Variants in AJAP1 observed in about 807,000 individuals in gnomAD.
AJAP1 encodes adherens junction-associated protein 1.
Under a neutral mutation model 35.0 loss-of-function variants are expected in AJAP1, and 5 were observed. That is an observed-to-expected ratio of 0.14 (90% CI 0.07 to 0.30). The LOEUF is 0.30. Ranked by LOEUF, AJAP1 falls within the 10% of genes least tolerant of loss-of-function variation. The pLI is 1.00. For synonymous variants in AJAP1, 284 were observed against 249.3 expected, an observed-to-expected ratio of 1.14 and a Z score of -1.31; for missense variants, 586 against 571.0, an observed-to-expected ratio of 1.03 and a Z score of -0.27.
At chr1:4,759,776 C>A (rs757203161) in intron 2 of AJAP1, among the ~76,000 whole-genome samples, 26 of 152,146 alleles carry the variant, frequency 1.7e-4, no homozygotes, top group South Asian at 4.1e-4. Flanking sequence ...ATTTTATAAG[C>A]TAAACGTAGG....
At position 4,787,529 on chromosome 1, in the gene AJAP1, G is replaced by A. The variant is rs181943324; in HGVS notation, c.*5044G>A. The A allele has an allele frequency of 1.0e-4, 39 of 378,516 alleles. No homozygotes were observed. The highest frequency in any genetic ancestry group is 7.9e-4 in the African/African-American group (38 of 47,842). The allele number at this position is 378,516 out of a possible 1,614,324, so 23.4% of individuals were successfully genotyped here. On this transcript the variant is annotated 3_prime_UTR_variant, in exon 6 of 6. Transcript: ENST00000378191. ...AAATGCAGTGCAGCACTGAAGATAA[G>A]ACATCGCAGTTGTTACGACGCCTGG...
At chr1:4,674,719 C>G (rs546411549) in intron 1 of AJAP1, among the ~76,000 whole-genome samples, 1 of 152,164 alleles carries the variant, frequency 6.6e-6, no homozygotes, top group Non-Finnish European at 1.5e-5. Flanking sequence ...GCTCTCAGAG[C>G]TCTAGTTCTC....
At chr1:4,658,000 G>A (rs1051672034) in intron 1 of AJAP1, among the ~76,000 whole-genome samples, 5 of 152,062 alleles carry the variant, frequency 3.3e-5, no homozygotes, top group African/African-American at 1.2e-4. Flanking sequence ...GAGCTCACCC[G>A]TGGAGGAGGC....
At chr1:4,750,356 T>C (rs187555717) in intron 2 of AJAP1, among the ~76,000 whole-genome samples, 1 of 152,372 alleles carries the variant, frequency 6.6e-6, no homozygotes, top group Admixed American at 6.5e-5. Flanking sequence ...TTCACTGCTC[T>C]GGAGACCTGT....
At chr1:4,719,503 A>G (rs959998432) in intron 2 of AJAP1, among the ~76,000 whole-genome samples, 1 of 151,980 alleles carries the variant, frequency 6.6e-6, no homozygotes, top group Non-Finnish European at 1.5e-5. Flanking sequence ...GGTTTCTTGG[A>G]GCCGAGCCCT....
At chr1:4,704,978 T>C (rs1640068938) in intron 1 of AJAP1, among the ~76,000 whole-genome samples, 1 of 152,248 alleles carries the variant, frequency 6.6e-6, no homozygotes, top group Non-Finnish European at 1.5e-5. Flanking sequence ...TCTGTTCATG[T>C]CCTTCACCCA....
intron 2 of AJAP1, among the ~76,000 whole-genome samples, chr1:4,714,156 G>A (rs1179693875): frequency 1.3e-5 from 2 of 152,200 alleles, no homozygotes; most frequent in Non-Finnish European, 2.9e-5. Flanking sequence ...CTCTATGGAA[G>A]CACAGCCTGG....
intron 1 of AJAP1, among the ~76,000 whole-genome samples, chr1:4,689,830 G>T (rs1165737818): frequency 2.0e-5 from 3 of 152,204 alleles, no homozygotes; most frequent in African/African-American, 4.8e-5. Flanking sequence ...CGCCAAGGCC[G>T]CCCCCTCTCG....
chr1:4,776,264 G>A (rs1414761482), intron 5 of AJAP1, among the ~76,000 whole-genome samples: 1 of 152,148 alleles, frequency 6.6e-6, no homozygotes, highest in Non-Finnish European at 1.5e-5. Flanking sequence ...TGACTTGGCC[G>A]AGGTCAGCTC....
chr1:4,721,550 G>A (rs1402335251), intron 2 of AJAP1, among the ~76,000 whole-genome samples: 1 of 152,218 alleles, frequency 6.6e-6, no homozygotes, highest in Non-Finnish European at 1.5e-5. Flanking sequence ...TTTCATGGAT[G>A]TGTCCTGAGA....
intron 2 of AJAP1, among the ~76,000 whole-genome samples, chr1:4,752,730 A>AC (rs1168280763): frequency 1.3e-5 from 2 of 151,990 alleles, no homozygotes; most frequent in African/African-American, 4.8e-5. Flanking sequence ...TCCCAAGCCC[A>AC]CCCCCATGCT....
chr1:4,740,693 G>A (rs1225678895), intron 2 of AJAP1, among the ~76,000 whole-genome samples: 1 of 150,078 alleles, frequency 6.7e-6, no homozygotes, highest in Non-Finnish European at 1.5e-5. Flanking sequence ...GGCTGAGGCA[G>A]GAGAATGGCG....
At chr1:4,728,639 A>G (rs904089575) in intron 2 of AJAP1, among the ~76,000 whole-genome samples, 1 of 152,212 alleles carries the variant, frequency 6.6e-6, no homozygotes, top group Non-Finnish European at 1.5e-5. Flanking sequence ...GGAAAGGCAG[A>G]AAGAGCAGGA....
intron 2 of AJAP1, among the ~76,000 whole-genome samples, chr1:4,737,699 C>G (rs757819730): frequency 6.6e-6 from 1 of 152,170 alleles, no homozygotes; most frequent in Non-Finnish European, 1.5e-5. Context: ...TCAAGACTAG[C>G]CTGGGCAACA....
chr1:4,729,999 G>C (rs1303662134), intron 2 of AJAP1, among the ~76,000 whole-genome samples: 1 of 152,124 alleles, frequency 6.6e-6, no homozygotes, highest in Admixed American at 6.5e-5. Context: ...CATTGTGTAA[G>C]CAAAACATAG....
intron 2 of AJAP1, among the ~76,000 whole-genome samples, chr1:4,755,693 T>C (rs1178191630): frequency 1.3e-5 from 2 of 152,202 alleles, no homozygotes; most frequent in Non-Finnish European, 2.9e-5. Context: ...AATGCTTTAC[T>C]TGGGGCCATC....
chr1:4,697,743 C>T (rs938243210), intron 1 of AJAP1, among the ~76,000 whole-genome samples: 4 of 152,232 alleles, frequency 2.6e-5, no homozygotes, highest in Non-Finnish European at 5.9e-5. Context: ...ACACGTCTAA[C>T]AAGATGGTCC....
intron 2 of AJAP1, among the ~76,000 whole-genome samples, chr1:4,724,207 C>T (rs1427179878): frequency 6.6e-6 from 1 of 152,136 alleles, no homozygotes; most frequent in South Asian, 2.1e-4. Flanking sequence ...CCAGGCGGAA[C>T]CATGGGCGGT....
In AJAP1 at chr1:4,782,383, G is replaced by A. The variant is rs1184108619; in HGVS notation, c.*60-162G>A. 2.0e-5 allele frequency among the ~76,000 whole-genome samples: 3 copies of A among 152,126 alleles called. No individual in the cohort carries two copies. The highest frequency in any genetic ancestry group is 1.3e-4 in the Admixed American group (2 of 15,274). On this transcript the variant is annotated intron_variant, in intron 5 of 5. Coordinates refer to ENST00000378191, the MANE Select transcript of AJAP1 (RefSeq NM_018836.4). This position sits in a 1 kb window ranked among gnomAD's most constrained non-coding sequence, Gnocchi z 5.3. Reference sequence around the variant, plus strand: ...CCAGTTCTAGTGAGGCCTTGTCCACGTTCCAAGGACCCCTCCGTGTCAGTG... The same window carrying A: ...CCAGTTCTAGTGAGGCCTTGTCCACATTCCAAGGACCCCTCCGTGTCAGTG...
Sources: gnomAD v4.1 joint callset for allele counts (sites outside exome capture counted in the v4.1 genomes callset) on GRCh38, gnomAD v4.1.1 for gene constraint, Gnocchi (gnomAD v3.1) non-coding constraint, MANE v1.5 for transcripts, NCBI Gene and HGNC (gene_info 2026-07-23, HGNC 2026-07-21) for gene names.